Variants in PTPN4 observed in about 807,000 individuals in gnomAD.
The protein encoded by PTPN4 is protein tyrosine phosphatase non-receptor type 4.
In PTPN4, 49 loss-of-function variants were observed where a neutral mutation model predicts 135.5. The ratio of observed to expected loss-of-function variants is 0.36; its 90% CI spans 0.29 to 0.46. The LOEUF (loss-of-function observed/expected upper bound fraction) is 0.46, where lower values mean the gene tolerates loss of function less well. Among genes scored for constraint, PTPN4 ranks in the 20% least tolerant of loss-of-function variants. PTPN4 has a pLI of 1.00. For missense variants in PTPN4, 860 were observed against 1,101.0 expected, an observed-to-expected ratio of 0.78 and a Z score of 3.10; for synonymous variants, 333 against 369.9, an observed-to-expected ratio of 0.90 and a Z score of 1.14.
chr2:119,943,731 C>T (rs556207408), intron 15 of PTPN4, among the ~76,000 whole-genome samples: 3 of 151,690 alleles, frequency 2.0e-5, no homozygotes, highest in East Asian at 1.9e-4. Context: ...GGACTACAGG[C>T]GCCTGCCACC....
At chr2:119,847,328 A>ATATATATATTT (rs1257711116) in intron 2 of PTPN4, among the ~76,000 whole-genome samples, 3 of 102,754 alleles carry the variant, frequency 2.9e-5, no homozygotes, top group Non-Finnish European at 5.6e-5. Context: ...ATATATATAT[A>ATATATATATTT]TTTTTTTTTT....
intron 1 of PTPN4, among the ~76,000 whole-genome samples, chr2:119,780,971 A>T (rs1352541618): frequency 6.6e-6 from 1 of 152,036 alleles, no homozygotes; most frequent in Non-Finnish European, 1.5e-5. Flanking sequence ...TTAAAAAGTT[A>T]TTCCTCTCCC....
At chr2:119,938,907 T>A (rs983375908) in intron 15 of PTPN4, among the ~76,000 whole-genome samples, 6 of 152,198 alleles carry the variant, frequency 3.9e-5, no homozygotes, top group Non-Finnish European at 8.8e-5. Flanking sequence ...GCAGTTACTT[T>A]GTTTTAGATG....
At chr2:119,951,182 C>G (rs542227470) in intron 18 of PTPN4, among the ~76,000 whole-genome samples, 2 of 152,324 alleles carry the variant, frequency 1.3e-5, no homozygotes, top group South Asian at 4.1e-4. Context: ...GACACACTTT[C>G]AGTACTTTGT....
chr2:119,907,718 G>C (rs1678510481), intron 10 of PTPN4, among the ~76,000 whole-genome samples: 1 of 152,194 alleles, frequency 6.6e-6, no homozygotes, highest in Non-Finnish European at 1.5e-5. Context: ...TGAAGCTACA[G>C]TATTCACAAC....
chr2:119,984,022 T>C lies in PTPN4; in HGVS notation c.*6952T>C, dbSNP rs1011816385. ...TGTTGAGGGGCACGATTTAAGAGAC[T>C]GAAACAGTTTACATTAAACTGTTTT... On this transcript the variant is annotated 3_prime_UTR_variant, in exon 27 of 27. Transcript: ENST00000263708. Among the ~76,000 whole-genome samples the C allele has an allele frequency of 1.3e-5, 2 of 152,196 alleles. No individual in the cohort carries two copies. Among genetic ancestry groups the C allele is most frequent in the African/African-American group, 4.8e-5 (2 of 41,454 alleles).
rs151297349 is a variant in PTPN4 at position 119,856,176 on chromosome 2, A to G, written c.139-6360A>G. ...ACTCCCATCGGGACTTTCAACCAGA[A>G]GGAGAGGCTAGATTCTGAAAGCCCC... On this transcript the variant is annotated intron_variant, in intron 2 of 26. Transcript: ENST00000263708. Among the ~76,000 whole-genome samples, 67 of 152,276 alleles carry G rather than the reference A, an allele frequency of 4.4e-4. 3 individuals are homozygous for G. In the East Asian group the frequency reaches 0.01, roughly 23 times the overall value.
intron 18 of PTPN4, among the ~76,000 whole-genome samples, chr2:119,948,928 A>G (rs1399125840): frequency 6.6e-6 from 1 of 152,182 alleles, no homozygotes; most frequent in Non-Finnish European, 1.5e-5. Context: ...CTGGATCATG[A>G]CAATGAGCAT....
intron 15 of PTPN4, 50 bp from the exon 16 acceptor site, chr2:119,945,031 A>G (rs1327951136): frequency 1.8e-5 from 28 of 1,528,788 alleles, no homozygotes; most frequent in Non-Finnish European, 2.5e-5. Flanking sequence ...GCTTGACCCT[A>G]ACTTTTAAAA....
At chr2:119,915,370 G>A (rs1558763122) in intron 11 of PTPN4, 128 bp downstream of exon 11, 7 of 645,484 alleles carry the variant, frequency 1.1e-5, no homozygotes, top group Non-Finnish European at 1.5e-5. Context: ...GCCCGCTGAG[G>A]TAATGAATTC....
At chr2:119,795,871 G>A (rs1237608921) in intron 1 of PTPN4, among the ~76,000 whole-genome samples, 4 of 152,170 alleles carry the variant, frequency 2.6e-5, no homozygotes, top group African/African-American at 7.2e-5. Flanking sequence ...TGACTTGCCC[G>A]GCCCCATCGC....
At chr2:119,942,737 A>G (rs1558770507) in intron 15 of PTPN4, among the ~76,000 whole-genome samples, 1 of 152,102 alleles carries the variant, frequency 6.6e-6, no homozygotes, top group Non-Finnish European at 1.5e-5. Context: ...TGCATCTCTT[A>G]AGTTCTGCTA....
intron 2 of PTPN4, among the ~76,000 whole-genome samples, chr2:119,830,235 G>A (rs1051926187): frequency 6.6e-6 from 1 of 152,026 alleles, no homozygotes; most frequent in African/African-American, 2.4e-5. Context: ...TTATTCTTTT[G>A]TATGTGGATA....
chr2:119,950,789 C>T (rs967673887), intron 18 of PTPN4, among the ~76,000 whole-genome samples: 8 of 152,078 alleles, frequency 5.3e-5, no homozygotes, highest in Non-Finnish European at 2.9e-5. Flanking sequence ...TTACCTTAAT[C>T]GCTGTTTGTC....
intron 19 of PTPN4, 59 bp downstream of exon 19, chr2:119,952,188 G>T: frequency 7.0e-7 from 1 of 1,435,020 alleles, no homozygotes; most frequent in Non-Finnish European, 9.5e-7. Context: ...TCATTACTGA[G>T]CACAGCAGCC....
chr2:119,896,989 C>A (rs561204124), intron 9 of PTPN4, among the ~76,000 whole-genome samples: 1 of 152,116 alleles, frequency 6.6e-6, no homozygotes, highest in Non-Finnish European at 1.5e-5. Flanking sequence ...GGTGCAGTCT[C>A]GGCTCACTGC....
At chr2:119,946,448 T>G (rs767971767) in intron 17 of PTPN4, 24 bp downstream of exon 17, 35 of 1,591,904 alleles carry the variant, frequency 2.2e-5, no homozygotes, top group Non-Finnish European at 2.7e-5. Context: ...TATTTTATAC[T>G]CAGTTTTTAA....
chr2:119,883,669 T>C (rs1204946989), intron 8 of PTPN4, among the ~76,000 whole-genome samples: 1 of 152,178 alleles, frequency 6.6e-6, no homozygotes, highest in Non-Finnish European at 1.5e-5. Flanking sequence ...ACTTACTATC[T>C]TATAACCTTG....
intron 12 of PTPN4, among the ~76,000 whole-genome samples, chr2:119,922,244 C>T (rs995646016): frequency 1.4e-5 from 2 of 139,982 alleles, no homozygotes; most frequent in African/African-American, 3.0e-5. Flanking sequence ...AAAAAAAGAT[C>T]GGCCGGGAAG....
Sources: allele counts gnomAD v4.1 joint callset (sites outside exome capture counted in the v4.1 genomes callset), GRCh38; gene constraint gnomAD v4.1.1; transcripts MANE v1.5; gene names NCBI Gene and HGNC (gene_info 2026-07-23, HGNC 2026-07-21).